The following LARP4B variants were observed in gnomAD, a reference collection of about 807,000 sequenced individuals.
LARP4B encodes la-related protein 4B.
In LARP4B, 12 loss-of-function variants were observed where a neutral mutation model predicts 89.8. The observed-to-expected ratio is 0.13, with a 90% CI of 0.09 to 0.22. The LOEUF (loss-of-function observed/expected upper bound fraction) is 0.22, where lower values mean the gene tolerates loss of function less well. LARP4B is among the 10% of genes least tolerant of loss of function. LARP4B has a pLI of 1.00. For synonymous variants in LARP4B, 367 were observed against 363.3 expected (o/e 1.01, Z -0.12); for missense variants, 757 against 947.7 (o/e 0.80, Z 2.64).
the LARP4B span, among the ~76,000 whole-genome samples, chr10:949,783 T>A: frequency 6.6e-6 from 1 of 152,232 alleles, no homozygotes; most frequent in Non-Finnish European, 1.5e-5. Context: ...TCCTGTCTTT[T>A]GCTGATTTTT....
intron 1 of LARP4B, among the ~76,000 whole-genome samples, chr10:920,259 C>G (rs1836943335): frequency 6.6e-6 from 1 of 152,206 alleles, no homozygotes; most frequent in South Asian, 2.1e-4. Context: ...AGCTGTATCT[C>G]TAATTAATTT....
the LARP4B span, among the ~76,000 whole-genome samples, chr10:979,762 G>A: frequency 2.0e-5 from 3 of 152,260 alleles, no homozygotes; most frequent in East Asian, 3.9e-4. Context: ...ACGAGGTCAG[G>A]AGATAGAGAC....
chr10:874,234 C>CAAAAA (rs60052105), intron 3 of LARP4B, among the ~76,000 whole-genome samples: 50 of 152,018 alleles, frequency 3.3e-4, no homozygotes, highest in African/African-American at 8.4e-4. Flanking sequence ...GACTCCATCT[C>CAAAAA]AAACAAAACA....
intron 8 of LARP4B, among the ~76,000 whole-genome samples, chr10:831,408 G>C (rs1449241462): frequency 1.3e-5 from 2 of 151,450 alleles, no homozygotes; most frequent in Non-Finnish European, 2.9e-5. Flanking sequence ...AATACATGAA[G>C]AACAGTTTCA....
At chr10:918,158 T>C (rs1836877092) in intron 1 of LARP4B, among the ~76,000 whole-genome samples, 1 of 152,178 alleles carries the variant, frequency 6.6e-6, no homozygotes, top group Non-Finnish European at 1.5e-5. Context: ...AATCAGTGAC[T>C]TGACTGAGGG....
At chr10:854,937 T>C (rs1025686718) in intron 5 of LARP4B, among the ~76,000 whole-genome samples, 8 of 152,254 alleles carry the variant, frequency 5.3e-5, no homozygotes, top group African/African-American at 1.7e-4. Context: ...TCAATTATCT[T>C]ACCCAGATCT....
intron 3 of LARP4B, chr10:869,936 AT>A (rs1255113181): frequency 9.2e-5 from 17 of 184,368 alleles, no homozygotes; most frequent in African/African-American, 3.6e-4. Flanking sequence ...AATAATAATA[AT>A]AATAATAATA....
At chr10:986,548 C>T in the LARP4B span, 2 of 152,248 alleles carry the variant, frequency 1.3e-5, no homozygotes, top group Non-Finnish European at 2.9e-5. Flanking sequence ...TGATTCTCAT[C>T]AACACGCACA....
chr10:909,577 G>A (rs149675838), intron 1 of LARP4B, among the ~76,000 whole-genome samples: 1,980 of 152,076 alleles, frequency 0.013, 50 homozygotes, highest in African/African-American at 0.045. Context: ...CTGAGGGCAC[G>A]AGTTTGAGAC....
At chr10:833,403 AAC>A (rs1833033472) in intron 8 of LARP4B, among the ~76,000 whole-genome samples, 2 of 152,318 alleles carry the variant, frequency 1.3e-5, no homozygotes, top group African/African-American at 4.8e-5. Context: ...AAAAAACAGA[AAC>A]ACAGAGTTAT....
chr10:964,298 C>A, the LARP4B span, among the ~76,000 whole-genome samples: 1 of 152,236 alleles, frequency 6.6e-6, no homozygotes, highest in Admixed American at 6.5e-5. Flanking sequence ...AACTCCCGAC[C>A]TCGTGATCTG....
At chr10:872,784 C>A (rs922266243) in intron 3 of LARP4B, among the ~76,000 whole-genome samples, 3 of 152,196 alleles carry the variant, frequency 2.0e-5, no homozygotes, top group Non-Finnish European at 4.4e-5. Flanking sequence ...AGATCACAGA[C>A]CCCCTCAGAA....
chr10:832,210 A>T (rs1832944168), intron 8 of LARP4B, among the ~76,000 whole-genome samples: 1 of 151,022 alleles, frequency 6.6e-6, no homozygotes. Flanking sequence ...CGCCCGGCTA[A>T]TTTTTTGTAT....
chr10:922,212 C>A (rs958339589), intron 1 of LARP4B, among the ~76,000 whole-genome samples: 1 of 152,304 alleles, frequency 6.6e-6, no homozygotes, highest in African/African-American at 2.4e-5. Flanking sequence ...AGGATTTGAG[C>A]TCTTATGAGA....
intron 1 of LARP4B, among the ~76,000 whole-genome samples, chr10:908,516 T>G (rs867468661): frequency 2.0e-4 from 30 of 151,686 alleles, no homozygotes; most frequent in African/African-American, 6.3e-4. Context: ...GGGGCAGTCT[T>G]GTAGGGATGA....
At chr10:972,196 T>G in the LARP4B span, 1 of 300,174 alleles carries the variant, frequency 3.3e-6, no homozygotes, top group Non-Finnish European at 6.6e-6. Context: ...CCTGGGTAAT[T>G]TTTGTATTTT....
chr10:908,417 T>C (rs1017937429), intron 1 of LARP4B, among the ~76,000 whole-genome samples: 1 of 152,168 alleles, frequency 6.6e-6, no homozygotes, highest in East Asian at 1.9e-4. Context: ...TGTGAGTCTG[T>C]CAAGCAAAGT....
At chr10:959,326 G>GCAATCCCACCTCCTCGT in the LARP4B span, among the ~76,000 whole-genome samples, 5 of 147,728 alleles carry the variant, frequency 3.4e-5, no homozygotes, top group Admixed American at 1.3e-4. Flanking sequence ...TGCTGGTTCA[G>GCAATCCCACCTCCTCGT]CAATCCCACC....
At chr10:929,881 A>G (rs1837252497) in intron 1 of LARP4B, among the ~76,000 whole-genome samples, 1 of 152,242 alleles carries the variant, frequency 6.6e-6, no homozygotes, top group African/African-American at 2.4e-5. Context: ...TTATGATTAA[A>G]TAATAAGCTT....
Sources: gnomAD v4.1 joint callset for allele counts (sites outside exome capture counted in the v4.1 genomes callset) on GRCh38, gnomAD v4.1.1 for gene constraint, MANE v1.5 for transcripts, NCBI Gene and HGNC (gene_info 2026-07-23, HGNC 2026-07-21) for gene names.